Variants in OR51B5 observed in about 807,000 individuals in gnomAD.
The protein encoded by OR51B5 is olfactory receptor family 51 subfamily B member 5.
For missense variants in OR51B5, 456 were observed against 374.6 expected (o/e 1.22, Z -1.79); for synonymous variants, 186 against 144.8 (o/e 1.28, Z -2.04).
At chr11:5,421,561 T>A (rs965258041) in intron 1 of OR51B5, among the ~76,000 whole-genome samples, 1 of 152,254 alleles carries the variant, frequency 6.6e-6, no homozygotes, top group Non-Finnish European at 1.5e-5. Context: ...TTTCCTCCCT[T>A]ATTTCCAGTT....
chr11:5,355,967 A>C (rs4910555), intron 1 of OR51B5, among the ~76,000 whole-genome samples: 57,281 of 151,388 alleles, frequency 0.38, 11,043 homozygotes, highest in Non-Finnish European at 0.41. Context: ...CACACCAAAA[A>C]CCCATCTGTA....
At chr11:5,357,875 T>C (rs79083468) in intron 1 of OR51B5, among the ~76,000 whole-genome samples, 56,500 of 150,206 alleles carry the variant, frequency 0.38, 10,847 homozygotes, top group Non-Finnish European at 0.4. Context: ...ACCGAACAAA[T>C]TGCTCCTGAA....
chr11:5,345,043 G>C (rs1022503629), upstream of OR51B5, among the ~76,000 whole-genome samples: 2 of 152,122 alleles, frequency 1.3e-5, no homozygotes, highest in East Asian at 1.9e-4. Flanking sequence ...CATTTGATAA[G>C]AAAACAGGAG....
intron 1 of OR51B5, among the ~76,000 whole-genome samples, chr11:5,402,211 C>T (rs907510730): frequency 3.3e-5 from 5 of 151,996 alleles, no homozygotes; most frequent in African/African-American, 7.2e-5. Flanking sequence ...GACAGAGTTT[C>T]GCCATGTTGC....
chr11:5,489,161 T>A, intron 1 of OR51B5: 2 of 1,613,888 alleles, frequency 1.2e-6, no homozygotes, highest in Non-Finnish European at 1.7e-6. Flanking sequence ...TTTGTTGGGC[T>A]ATTCCGTAGT....
At chr11:5,395,053 G>A (rs1429733841) in intron 1 of OR51B5, among the ~76,000 whole-genome samples, 4 of 152,178 alleles carry the variant, frequency 2.6e-5, no homozygotes, top group Non-Finnish European at 5.9e-5. Context: ...GGATCCTCTG[G>A]CTCACTGAAA....
At chr11:5,372,346 A>AT (rs530617133) in intron 1 of OR51B5, among the ~76,000 whole-genome samples, 278 of 139,142 alleles carry the variant, frequency 2.0e-3, no homozygotes, top group African/African-American at 7.2e-3. Flanking sequence ...AAACTTCCAT[A>AT]CGTTTTCTAT....
chr11:5,462,657 C>A (rs1435486828), intron 1 of OR51B5, among the ~76,000 whole-genome samples: 1 of 152,216 alleles, frequency 6.6e-6, no homozygotes, highest in Non-Finnish European at 1.5e-5. Context: ...AAGGGCACTT[C>A]CTCATCAGGA....
At chr11:5,378,370 G>C (rs142684778) in intron 1 of OR51B5, among the ~76,000 whole-genome samples, 37 of 151,668 alleles carry the variant, frequency 2.4e-4, no homozygotes, top group African/African-American at 5.1e-4. Context: ...AGAAGAAAAC[G>C]CAGGCATTAC....
At chr11:5,450,245 C>T (rs1850824031) in intron 1 of OR51B5, among the ~76,000 whole-genome samples, 1 of 152,014 alleles carries the variant, frequency 6.6e-6, no homozygotes, top group Middle Eastern at 3.4e-3. Flanking sequence ...AAAAATTAGC[C>T]AGGCGTGGTG....
intron 1 of OR51B5, chr11:5,423,246 A>C (rs1451581979): frequency 7.1e-7 from 1 of 1,407,882 alleles, no homozygotes; most frequent in African/African-American, 1.4e-5. Flanking sequence ...ATAAAACTTC[A>C]TCATAATATT....
chr11:5,458,843 G>A (rs377719673), intron 1 of OR51B5, among the ~76,000 whole-genome samples: 4 of 152,208 alleles, frequency 2.6e-5, no homozygotes, highest in African/African-American at 7.2e-5. Flanking sequence ...TCAGATCTAG[G>A]AGCCTATAGG....
intron 1 of OR51B5, among the ~76,000 whole-genome samples, chr11:5,372,303 A>G (rs1241793528): frequency 6.6e-6 from 1 of 152,042 alleles, no homozygotes; most frequent in Non-Finnish European, 1.5e-5. Flanking sequence ...AAATTTCTTC[A>G]TCATACAATA....
At chr11:5,348,091 G>C (rs1335566147), upstream of OR51B5, among the ~76,000 whole-genome samples, 1 of 151,974 alleles carries the variant, frequency 6.6e-6, no homozygotes, top group Non-Finnish European at 1.5e-5. Flanking sequence ...CTTAGCAAGA[G>C]AAAAGTAATA....
intron 1 of OR51B5, among the ~76,000 whole-genome samples, chr11:5,350,149 C>CA (rs1220570126): frequency 6.6e-6 from 1 of 152,164 alleles, no homozygotes; most frequent in Admixed American, 6.5e-5. Context: ...CCACTCTTTA[C>CA]AAAACATTTC....
intron 1 of OR51B5, among the ~76,000 whole-genome samples, chr11:5,349,031 A>G (rs1430670707): frequency 1.3e-5 from 2 of 152,168 alleles, no homozygotes; most frequent in Non-Finnish European, 2.9e-5. Context: ...TAGAGCCATC[A>G]GTTTATGCGG....
chr11:5,491,235 C>T (rs1254615448), intron 1 of OR51B5, among the ~76,000 whole-genome samples: 3 of 152,204 alleles, frequency 2.0e-5, no homozygotes, highest in African/African-American at 7.2e-5. Context: ...TCATATTACA[C>T]TGAGGCTGTT....
intron 1 of OR51B5, among the ~76,000 whole-genome samples, chr11:5,399,970 C>A (rs7930818): frequency 6.6e-6 from 1 of 152,046 alleles, no homozygotes; most frequent in Admixed American, 6.6e-5. Context: ...ACGGGAAGAA[C>A]AGCTGCTCAA....
At chr11:5,425,935 AAG>A (rs898960411) in intron 1 of OR51B5, among the ~76,000 whole-genome samples, 1 of 152,240 alleles carries the variant, frequency 6.6e-6, no homozygotes, top group African/African-American at 2.4e-5. Flanking sequence ...GTAAAAAGAA[AAG>A]AGACAGAAAA....
Sources: gnomAD v4.1 joint callset for allele counts (sites outside exome capture counted in the v4.1 genomes callset) on GRCh38, gnomAD v4.1.1 for gene constraint, MANE v1.5 for transcripts, NCBI Gene and HGNC (gene_info 2026-07-23, HGNC 2026-07-21) for gene names.